Variants in LIPC observed in about 807,000 individuals in gnomAD.
The protein encoded by LIPC is lipase C, hepatic type.
In LIPC, 44 loss-of-function variants were observed where a neutral mutation model predicts 50.7. The observed-to-expected ratio is 0.87, with a 90% CI of 0.68 to 1.11. The LOEUF (loss-of-function observed/expected upper bound fraction) is 1.11. Ranked by LOEUF, LIPC falls within the 50% of genes most tolerant of loss-of-function variation. The probability of loss-of-function intolerance (pLI) is 0.00; values close to 1 mark genes in which losing one functional copy is unlikely to be tolerated. For synonymous variants in LIPC, 271 were observed against 256.4 expected, an observed-to-expected ratio of 1.06 and a Z score of -0.54; for missense variants, 697 against 648.2, an observed-to-expected ratio of 1.08 and a Z score of -0.82.
chr15:58,496,217 G>A (rs1284463107), intron 1 of LIPC, among the ~76,000 whole-genome samples: 1 of 152,092 alleles, frequency 6.6e-6, no homozygotes, highest in Non-Finnish European at 1.5e-5. Flanking sequence ...GGATGTTACT[G>A]GTATCTAGTG....
chr15:58,523,692 G>C (rs771406907), intron 1 of LIPC, among the ~76,000 whole-genome samples: 1 of 152,174 alleles, frequency 6.6e-6, no homozygotes, highest in Non-Finnish European at 1.5e-5. Context: ...CCCGAGGCAG[G>C]AGGATCACTT....
intron 1 of LIPC, among the ~76,000 whole-genome samples, chr15:58,534,388 G>A (rs1893049969): frequency 6.6e-6 from 1 of 152,134 alleles, no homozygotes; most frequent in Non-Finnish European, 1.5e-5. Flanking sequence ...TCTCATGGAG[G>A]CTCAGACCCC....
At chr15:58,519,128 G>A (rs184729430) in intron 1 of LIPC, among the ~76,000 whole-genome samples, 6 of 152,224 alleles carry the variant, frequency 3.9e-5, no homozygotes, top group Admixed American at 2.6e-4. Flanking sequence ...CTACACTTCA[G>A]CCAAGCGCAG....
At chr15:58,445,678 G>A (rs1167647424) in intron 1 of LIPC, among the ~76,000 whole-genome samples, 3 of 152,180 alleles carry the variant, frequency 2.0e-5, no homozygotes, top group African/African-American at 7.2e-5. Context: ...TGAAAGACCT[G>A]GGCCTGAGTC....
In LIPC at chr15:58,560,871, T is replaced by C. The variant is rs138660842; in HGVS notation, c.1059T>C (p.His353=). The part of the protein sequence containing the change: ...TRAQSPFKVY[H]YQFKIQFINQ... The stretch of plus-strand genomic sequence containing the variant: ...CTCTGTCTCTCTCTCTAGTTTATCA[T>C]TACCAGTTCAAGATCCAGTTCATCA... Residue 353 remains histidine (H), a synonymous_variant, in exon 7 of 9, where the codon CAT becomes CAC. Coordinates refer to ENST00000299022, the MANE Select transcript of LIPC (RefSeq NM_000236.3). 1.9e-6 allele frequency: 2 copies of C among 1,075,962 alleles called. No homozygotes were observed. The highest frequency in any genetic ancestry group is 2.9e-6 in the Non-Finnish European group (2 of 686,870). 66.7% of individuals were successfully genotyped at this position (1,075,962 alleles called of 1,614,324 possible).
At chr15:58,436,988 C>G (rs937636591) in intron 1 of LIPC, 5 of 405,510 alleles carry the variant, frequency 1.2e-5, no homozygotes, top group Non-Finnish European at 2.4e-5. Flanking sequence ...AAACTGGAAA[C>G]AATGTGAATG....
At chr15:58,452,693 T>G (rs1893949170) in intron 1 of LIPC, among the ~76,000 whole-genome samples, 1 of 127,568 alleles carries the variant, frequency 7.8e-6, no homozygotes, top group Non-Finnish European at 1.6e-5. Flanking sequence ...GCTCTTTCAC[T>G]CCTCTTTTCT....
chr15:58,561,874 A>T (rs1169503410), intron 7 of LIPC, among the ~76,000 whole-genome samples: 1 of 151,844 alleles, frequency 6.6e-6, no homozygotes, highest in Non-Finnish European at 1.5e-5. Flanking sequence ...GGCGTGTCCC[A>T]CCTCCCCTTC....
intron 1 of LIPC, among the ~76,000 whole-genome samples, chr15:58,479,985 G>A (rs1891131249): frequency 6.6e-6 from 1 of 152,214 alleles, no homozygotes; most frequent in Non-Finnish European, 1.5e-5. Flanking sequence ...AGGCTCCTAA[G>A]ACAAGGCCTG....
chr15:58,500,350 T>C (rs1234554408), intron 1 of LIPC, among the ~76,000 whole-genome samples: 2 of 152,176 alleles, frequency 1.3e-5, no homozygotes, highest in African/African-American at 2.4e-5. Context: ...GATGACGATG[T>C]TGGAATCAGG....
chr15:58,518,595 G>A (rs1270192002), intron 1 of LIPC, among the ~76,000 whole-genome samples: 1 of 152,200 alleles, frequency 6.6e-6, no homozygotes, highest in Non-Finnish European at 1.5e-5. Context: ...ATTTCTGGAA[G>A]GCAACACGGA....
intron 1 of LIPC, chr15:58,495,017 C>A (rs1891718689): frequency 2.6e-6 from 1 of 390,160 alleles, no homozygotes; most frequent in South Asian, 1.9e-5. Context: ...CCCCTGCCCC[C>A]TTACCCTGCC....
intron 1 of LIPC, among the ~76,000 whole-genome samples, chr15:58,494,187 G>C (rs1317239614): frequency 1.3e-5 from 2 of 152,234 alleles, no homozygotes; most frequent in African/African-American, 2.4e-5. Flanking sequence ...TCCCCAGAGA[G>C]AGCAAGAGGC....
intron 6 of LIPC, among the ~76,000 whole-genome samples, chr15:58,557,665 G>A (rs908381879): frequency 4.6e-5 from 7 of 152,102 alleles, no homozygotes; most frequent in East Asian, 1.9e-4. Context: ...GATTACAGGC[G>A]TGAGCCACCG....
intron 1 of LIPC, among the ~76,000 whole-genome samples, chr15:58,453,927 C>T (rs759399552): frequency 1.3e-5 from 2 of 151,938 alleles, no homozygotes. Flanking sequence ...GGTTCCTTAG[C>T]ACCTGTTGTT....
chr15:58,455,746 A>AAC (rs750802157), intron 1 of LIPC, among the ~76,000 whole-genome samples: 1 of 152,230 alleles, frequency 6.6e-6, no homozygotes, highest in Non-Finnish European at 1.5e-5. Context: ...AGTTTACAAT[A>AAC]AAGAATACTG....
intron 1 of LIPC, among the ~76,000 whole-genome samples, chr15:58,484,762 G>A (rs1416436319): frequency 6.6e-6 from 1 of 152,188 alleles, no homozygotes; most frequent in African/African-American, 2.4e-5. Context: ...CAAATTCAGA[G>A]ACACATAACT....
intron 1 of LIPC, among the ~76,000 whole-genome samples, chr15:58,529,061 C>A (rs1164815365): frequency 1.3e-5 from 2 of 152,118 alleles, no homozygotes; most frequent in Non-Finnish European, 2.9e-5. Context: ...TCCTTGTAAG[C>A]TTCACTTGGC....
rs762762299 is a variant in LIPC at position 58,434,466 on chromosome 15, G to C, written c.88+2346G>C. ...TAAGCTGGCAGTTAAGTGCCTTGCCGGCGGTCGCATAGCTGGTCAGGGCAG... is the reference window on the plus strand; with the variant it reads ...TAAGCTGGCAGTTAAGTGCCTTGCCCGCGGTCGCATAGCTGGTCAGGGCAG... On this transcript the variant is annotated intron_variant, in intron 1 of 8. Transcript: ENST00000299022. Among the ~76,000 whole-genome samples the C allele has an allele frequency of 2.0e-5, 3 of 152,152 alleles. No homozygotes were observed. In the South Asian group the frequency reaches 6.2e-4, roughly 31 times the overall value.
Sources: gnomAD v4.1 joint callset for allele counts (sites outside exome capture counted in the v4.1 genomes callset) on GRCh38, gnomAD v4.1.1 for gene constraint, MANE v1.5 for transcripts, NCBI Gene and HGNC (gene_info 2026-07-23, HGNC 2026-07-21) for gene names.